BRINP1: variants seen among roughly 807,000 people sequenced by gnomAD.
BRINP1 encodes BMP/retinoic acid-inducible neural-specific protein 1.
Under a neutral mutation model 72.9 loss-of-function variants are expected in BRINP1, and 17 were observed. The observed-to-expected ratio is 0.23, with a 90% CI of 0.16 to 0.35. BRINP1 has a LOEUF of 0.35. Ranked by LOEUF, BRINP1 falls within the 10% of genes least tolerant of loss-of-function variation. The pLI, the probability that BRINP1 is intolerant of heterozygous loss-of-function variation, is 1.00. For synonymous variants in BRINP1, 418 were observed against 378.5 expected (o/e 1.10, Z -1.21); for missense variants, 850 against 1,001.6 (o/e 0.85, Z 2.04).
At chr9:119,363,041 G>A (rs1587974213) in intron 1 of BRINP1, among the ~76,000 whole-genome samples, 1 of 152,182 alleles carries the variant, frequency 6.6e-6, no homozygotes, top group Admixed American at 6.5e-5. Flanking sequence ...ACACTGGCAG[G>A]TAGTCCATCT....
chr9:119,332,287 T>C (rs1441612098), intron 1 of BRINP1, among the ~76,000 whole-genome samples: 1 of 152,030 alleles, frequency 6.6e-6, no homozygotes, highest in Non-Finnish European at 1.5e-5. Context: ...AATTTACTAA[T>C]GACAAAAAAA....
At chr9:119,263,046 A>AG (rs1188570746) in intron 2 of BRINP1, among the ~76,000 whole-genome samples, 1 of 152,208 alleles carries the variant, frequency 6.6e-6, no homozygotes, top group Non-Finnish European at 1.5e-5. Context: ...AGAACTTCTC[A>AG]GGGGATAGCG....
At chr9:119,271,864 T>C (rs1391704436) in intron 2 of BRINP1, among the ~76,000 whole-genome samples, 1 of 151,946 alleles carries the variant, frequency 6.6e-6, no homozygotes, top group Non-Finnish European at 1.5e-5. Context: ...ACTACCATTT[T>C]TTTTTCTTTT....
chr9:119,320,510 T>C (rs1175718874), intron 1 of BRINP1, among the ~76,000 whole-genome samples: 1 of 152,184 alleles, frequency 6.6e-6, no homozygotes, highest in East Asian at 1.9e-4. Context: ...AAATGGGCAC[T>C]GACTCTACGT....
At chr9:119,237,949 T>G (rs1830208914) in intron 5 of BRINP1, among the ~76,000 whole-genome samples, 1 of 152,136 alleles carries the variant, frequency 6.6e-6, no homozygotes, top group Non-Finnish European at 1.5e-5. Flanking sequence ...TGTGAGCCAC[T>G]GCACCCTGCC....
chr9:119,365,006 T>C (rs1307570795), intron 1 of BRINP1, among the ~76,000 whole-genome samples: 1 of 152,202 alleles, frequency 6.6e-6, no homozygotes, highest in Non-Finnish European at 1.5e-5. Context: ...CAAACATTTA[T>C]AAAGCAACTA....
At chr9:119,214,296 C>G (rs1588166496) in intron 5 of BRINP1, 141 bp from the exon 6 acceptor site, 1 of 652,332 alleles carries the variant, frequency 1.5e-6, no homozygotes, top group East Asian at 2.7e-5. Context: ...CTGGGCCAAC[C>G]TAGATCCAGA....
chr9:119,213,081 T>C (rs1338839038), intron 6 of BRINP1, among the ~76,000 whole-genome samples: 1 of 152,202 alleles, frequency 6.6e-6, no homozygotes, highest in Admixed American at 6.5e-5. Context: ...GTGCCTCCCA[T>C]TGGTCTACCT....
chr9:119,228,833 C>T (rs1351590367), intron 5 of BRINP1, among the ~76,000 whole-genome samples: 1 of 152,040 alleles, frequency 6.6e-6, no homozygotes, highest in East Asian at 1.9e-4. Flanking sequence ...ATTTGGGACC[C>T]CACGAATGTG....
rs542873776 is a variant in BRINP1 at position 119,355,468 on chromosome 9, C to T, written c.-51+13588G>A. Among the ~76,000 whole-genome samples, 10 of 152,260 alleles carry T rather than the reference C, an allele frequency of 6.6e-5. No homozygotes were observed. In the South Asian group the frequency reaches 2.1e-3, roughly 32 times the overall value. On this transcript the variant is annotated intron_variant, in intron 1 of 7. Coordinates refer to ENST00000265922, the MANE Select transcript of BRINP1 (RefSeq NM_014618.3). Reference sequence around the variant, plus strand: ...ACCCGGCCGGGCACGGTGGCTCACGCCTGTAATCCCAGCACTTTGGGAGGC... The same window carrying T: ...ACCCGGCCGGGCACGGTGGCTCACGTCTGTAATCCCAGCACTTTGGGAGGC...
At position 119,174,861 on chromosome 9, in the gene BRINP1, G is replaced by T. The variant is rs553562268; in HGVS notation, c.1146-6637C>A. On this transcript the variant is annotated intron_variant, in intron 7 of 7. Coordinates refer to ENST00000265922, the MANE Select transcript of BRINP1 (RefSeq NM_014618.3). ...AAATCATCATTCTCAGTCAACTATC[G>T]CAAGAACAAAAAACCAAACACCGCA... Among the ~76,000 whole-genome samples, 393 of 149,636 alleles carry T rather than the reference G, an allele frequency of 2.6e-3. 2 individuals are homozygous for T. Among genetic ancestry groups the T allele is most frequent in the African/African-American group, 8.7e-3 (352 of 40,320 alleles).
At chr9:119,297,344 C>T (rs1564241707) in intron 2 of BRINP1, among the ~76,000 whole-genome samples, 2 of 152,104 alleles carry the variant, frequency 1.3e-5, no homozygotes, top group Non-Finnish European at 2.9e-5. Flanking sequence ...CCCAAGGCTG[C>T]GCTCCCTTCA....
At position 119,302,220 on chromosome 9, in the gene BRINP1, T is replaced by G. The variant is rs571396077; in HGVS notation, c.218+10918A>C. Reference sequence around the variant, plus strand: ...CAATACATTCCTTTCAATGTTAGTATGTGTGTGAAGCTGGGTTTCTGGCAC... The same window carrying G: ...CAATACATTCCTTTCAATGTTAGTAGGTGTGTGAAGCTGGGTTTCTGGCAC... On this transcript the variant is annotated intron_variant, in intron 2 of 7. Coordinates refer to ENST00000265922, the MANE Select transcript of BRINP1 (RefSeq NM_014618.3). Among the ~76,000 whole-genome samples the G allele has an allele frequency of 7.9e-4, 121 of 152,356 alleles. 1 individual carries two copies. The highest frequency in any genetic ancestry group is 2.8e-3 in the African/African-American group (117 of 41,594).
chr9:119,269,691 G>C (rs548388381), intron 2 of BRINP1, among the ~76,000 whole-genome samples: 1 of 152,106 alleles, frequency 6.6e-6, no homozygotes, highest in Non-Finnish European at 1.5e-5. Context: ...ACTTGAACAA[G>C]GTAACAGAGC....
chr9:119,278,903 A>G (rs1830681820), intron 2 of BRINP1, among the ~76,000 whole-genome samples: 1 of 152,184 alleles, frequency 6.6e-6, no homozygotes, highest in Non-Finnish European at 1.5e-5. Context: ...AGCAACAACA[A>G]CAACAAAACA....
intron 7 of BRINP1, among the ~76,000 whole-genome samples, chr9:119,187,234 T>C (rs1271506112): frequency 1.3e-5 from 2 of 151,910 alleles, no homozygotes; most frequent in Non-Finnish European, 1.5e-5. Flanking sequence ...TCTAAGCACC[T>C]GTGTCCTGGA....
chr9:119,360,118 C>G (rs1446985063), intron 1 of BRINP1, among the ~76,000 whole-genome samples: 1 of 152,148 alleles, frequency 6.6e-6, no homozygotes, highest in East Asian at 1.9e-4. Flanking sequence ...GAATAAAATT[C>G]TTTATAAGCT....
At chr9:119,216,784 G>T (rs1224882243) in intron 5 of BRINP1, among the ~76,000 whole-genome samples, 1 of 152,156 alleles carries the variant, frequency 6.6e-6, no homozygotes, top group African/African-American at 2.4e-5. Flanking sequence ...AAAGGAATTT[G>T]GGGAGAGCAT....
chr9:119,197,710 C>CAT (rs10629497), intron 7 of BRINP1, among the ~76,000 whole-genome samples: 126,846 of 151,982 alleles, frequency 0.83, 53,265 homozygotes, highest in Middle Eastern at 0.91. Context: ...TACATTTCCA[C>CAT]GTTTCTATTT....
Sources: gnomAD v4.1 joint callset for allele counts (sites outside exome capture counted in the v4.1 genomes callset) on GRCh38, gnomAD v4.1.1 for gene constraint, MANE v1.5 for transcripts, NCBI Gene and HGNC (gene_info 2026-07-23, HGNC 2026-07-21) for gene names.